BOC: variants seen among roughly 807,000 people sequenced by gnomAD.
BOC encodes brother of CDO.
In BOC, 76 loss-of-function variants were observed where a neutral mutation model predicts 112.0. The ratio of observed to expected loss-of-function variants is 0.68; its 90% confidence interval spans 0.56 to 0.82. The LOEUF (loss-of-function observed/expected upper bound fraction) is 0.82. Among genes scored for constraint, BOC ranks in the 40% least tolerant of loss-of-function variants. The probability of loss-of-function intolerance (pLI) is 0.00; values close to 1 mark genes in which losing one functional copy is unlikely to be tolerated. For missense variants in BOC, 1,309 were observed against 1,511.7 expected, an observed-to-expected ratio of 0.87 and a Z score of 2.22; for synonymous variants, 580 against 599.8, an observed-to-expected ratio of 0.97 and a Z score of 0.48.
chr3:113,218,525 C>T (rs923025456), intron 2 of BOC, among the ~76,000 whole-genome samples: 6 of 152,194 alleles, frequency 3.9e-5, no homozygotes, highest in African/African-American at 1.4e-4. Flanking sequence ...CTTAAAAATG[C>T]AGTCAGTCAA....
In BOC at chr3:113,278,399, G is replaced by A. The variant is rs139446706; in HGVS notation, c.1705+142G>A. On this transcript the variant is annotated intron_variant, in intron 10 of 19. Transcript: ENST00000682979. This position sits in a 1 kb window ranked among gnomAD's most constrained non-coding sequence, Gnocchi z 4.2. ...TCCTTCCAGCTACTGCCTCCTTGTGGTTTGTGTGCTAGGCTGAGGTCCCAG... is the reference window on the plus strand; with the variant it reads ...TCCTTCCAGCTACTGCCTCCTTGTGATTTGTGTGCTAGGCTGAGGTCCCAG... 1.2e-4 allele frequency: 128 copies of A among 1,067,482 alleles called. 1 individual carries two copies. In the African/African-American group the frequency reaches 1.7e-3, roughly 14 times the overall value. 66.1% of individuals were successfully genotyped at this position (1,067,482 alleles called of 1,614,324 possible).
At chr3:113,263,920 G>A (rs1009365257) in intron 4 of BOC, among the ~76,000 whole-genome samples, 1 of 152,210 alleles carries the variant, frequency 6.6e-6, no homozygotes, top group Non-Finnish European at 1.5e-5. Context: ...TGTGCCTGAT[G>A]TGCCCTTTGA....
intron 3 of BOC, 109 bp downstream of exon 3, chr3:113,250,008 T>C (rs1410967339): frequency 1.1e-6 from 1 of 894,286 alleles, no homozygotes; most frequent in Non-Finnish European, 1.7e-6. Context: ...AAAGAACACT[T>C]TATTCCCATT....
chr3:113,233,148 G>GGGGGT (rs75678874), intron 2 of BOC, among the ~76,000 whole-genome samples: 20 of 124,028 alleles, frequency 1.6e-4, no homozygotes, highest in African/African-American at 5.8e-4. Context: ...AAAGGATTGG[G>GGGGGT]GTGTGTGTGT....
Position 113,287,010 on chromosome 3 carries a change from A to G in BOC, c.*148A>G, listed in dbSNP as rs926703063. 4.9e-5 allele frequency: 46 copies of G among 930,900 alleles called. No individual in the cohort carries two copies. In the East Asian group the frequency reaches 1.2e-3, roughly 25 times the overall value. 57.7% of individuals were successfully genotyped at this position (930,900 alleles called of 1,614,324 possible). A position where few individuals can be genotyped will look rare whatever the true frequency, so the allele number is the denominator to read the frequency against. On this transcript the variant is annotated 3_prime_UTR_variant, in exon 20 of 20. Coordinates refer to ENST00000682979, the MANE Select transcript of BOC (RefSeq NM_001378074.1). ...ACTTGTAAATAAATGTATATGTTTT[A>G]TAATTCTGGAGAGACATAAGGAGTC...
intron 2 of BOC, among the ~76,000 whole-genome samples, chr3:113,244,734 T>G (rs1033367342): frequency 4.6e-5 from 7 of 152,100 alleles, no homozygotes; most frequent in African/African-American, 1.7e-4. Flanking sequence ...CAGTAGGAGA[T>G]TTTTATAGAT....
At chr3:113,283,699 C>T in intron 16 of BOC, 67 bp downstream of exon 16, 1 of 1,439,676 alleles carries the variant, frequency 6.9e-7, no homozygotes. Context: ...AAGGAGGCCT[C>T]TGCCTAGGTC....
chr3:113,267,722 T>A (rs1160253337), intron 4 of BOC, among the ~76,000 whole-genome samples: 1 of 152,194 alleles, frequency 6.6e-6, no homozygotes, highest in Non-Finnish European at 1.5e-5. Flanking sequence ...AAGGAGAACC[T>A]GGGAAGGCTG....
chr3:113,272,261 T>G, intron 6 of BOC, 149 bp from the exon 7 acceptor site: 1 of 814,650 alleles, frequency 1.2e-6, no homozygotes, highest in Non-Finnish European at 2.0e-6. Flanking sequence ...CCAAGGGAAT[T>G]CTGTAGCACG....
chr3:113,266,681 C>A (rs1947515803), intron 4 of BOC, among the ~76,000 whole-genome samples: 1 of 152,194 alleles, frequency 6.6e-6, no homozygotes, highest in Non-Finnish European at 1.5e-5. Flanking sequence ...TCAACACTTG[C>A]CAAGTGTGTA....
chr3:113,219,777 G>T (rs1185087420), intron 2 of BOC, among the ~76,000 whole-genome samples: 2 of 152,212 alleles, frequency 1.3e-5, no homozygotes, highest in African/African-American at 2.4e-5. Context: ...AGGCTTTGTG[G>T]CTTGGCTGGT....
intron 4 of BOC, among the ~76,000 whole-genome samples, chr3:113,253,041 T>C (rs1034739440): frequency 2.6e-5 from 4 of 152,216 alleles, no homozygotes; most frequent in South Asian, 2.1e-4. Flanking sequence ...CACATTATAA[T>C]TGCATTATAG....
chr3:113,236,264 G>GGGTATATATATA (rs1943449745), intron 2 of BOC, among the ~76,000 whole-genome samples: 1 of 25,464 alleles, frequency 3.9e-5, no homozygotes, highest in African/African-American at 1.3e-4. Context: ...GTGTGTGTGT[G>GGGTATATATATA]TGTATATATA....
chr3:113,234,290 A>G (rs774245468), intron 2 of BOC, among the ~76,000 whole-genome samples: 1 of 152,108 alleles, frequency 6.6e-6, no homozygotes, highest in East Asian at 1.9e-4. Flanking sequence ...GAATTCTTTT[A>G]AGACTTGTGA....
In BOC at chr3:113,286,785, G is replaced by C; in HGVS notation, c.3271G>C (p.Gly1091Arg). Residue 1091 changes from glycine to arginine, a missense_variant, in exon 20 of 20, where the codon GGA becomes CGA. Physicochemically the swap from Gly to Arg is moderately radical, Grantham distance 125 (BLOSUM62 -2). Coordinates refer to ENST00000682979, the MANE Select transcript of BOC (RefSeq NM_001378074.1). ...CCAGCACCCCGTAGGGGCCTACGTA[G>C]GACAGGAACCTGGAATGCAGCTCTC... ...CPQHPVGAYV[G>R]QEPGMQLSPG... 1 of 1,613,524 alleles carries C rather than the reference G, an allele frequency of 6.2e-7. No homozygotes were observed. The highest frequency in any genetic ancestry group is 8.5e-7 in the Non-Finnish European group (1 of 1,179,682).
rs1445615266 is a variant in BOC at position 113,267,078 on chromosome 3, C to A, written c.377-1221C>A. On this transcript the variant is annotated intron_variant, in intron 4 of 19. Coordinates refer to ENST00000682979, the MANE Select transcript of BOC (RefSeq NM_001378074.1). ...GTCCCAATGCTGTCAGTCCCGGGAG[C>A]TGAGCAGAATTTGGTGTGGCCAGTA... 2.6e-5 allele frequency among the ~76,000 whole-genome samples: 4 copies of A among 152,326 alleles called. No homozygotes were observed. The East Asian group carries it at 7.7e-4, about 29-fold the overall frequency.
chr3:113,258,428 A>G (rs9820139), intron 4 of BOC, among the ~76,000 whole-genome samples: 1 of 152,106 alleles, frequency 6.6e-6, no homozygotes, highest in Admixed American at 6.5e-5. Context: ...CTCTTTGGGT[A>G]TGAACATTTT....
intron 2 of BOC, among the ~76,000 whole-genome samples, chr3:113,223,143 A>C (rs1941040909): frequency 6.6e-6 from 1 of 152,256 alleles, no homozygotes; most frequent in South Asian, 2.1e-4. Flanking sequence ...CTGACACCAA[A>C]GGTGGACAGA....
At chr3:113,236,270 A>G (rs28582074) in intron 2 of BOC, among the ~76,000 whole-genome samples, 3,286 of 97,766 alleles carry the variant, frequency 0.034, 330 homozygotes, top group Middle Eastern at 0.079. Context: ...GTGTGTGTAT[A>G]TATACCCATG....
Sources: gnomAD v4.1 joint callset for allele counts (sites outside exome capture counted in the v4.1 genomes callset) on GRCh38, gnomAD v4.1.1 for gene constraint, Gnocchi (gnomAD v3.1) non-coding constraint, MANE v1.5 for transcripts, NCBI Gene and HGNC (gene_info 2026-07-23, HGNC 2026-07-21) for gene names.